The following LRRC49 variants were observed in gnomAD, a reference collection of about 807,000 sequenced individuals.
LRRC49 encodes the protein leucine-rich repeat-containing protein 49.
LRRC49 carries 50 observed loss-of-function variants against 83.3 expected under a neutral mutation model. The ratio of observed to expected loss-of-function variants is 0.60; its 90% CI spans 0.48 to 0.76. The LOEUF (loss-of-function observed/expected upper bound fraction) is 0.76. Ranked by LOEUF, LRRC49 falls within the 30% of genes least tolerant of loss-of-function variation. The pLI is 0.00. For synonymous variants in LRRC49, 286 were observed against 283.3 expected, an observed-to-expected ratio of 1.01 and a Z score of -0.10; for missense variants, 704 against 809.1, an observed-to-expected ratio of 0.87 and a Z score of 1.58.
chr15:70,984,327 A>G, intron 11 of LRRC49, 70 bp downstream of exon 11: 2 of 1,279,238 alleles, frequency 1.6e-6, no homozygotes, highest in Non-Finnish European at 2.1e-6. Context: ...ATTAGAAACC[A>G]TTTTACATAT....
intron 1 of LRRC49, among the ~76,000 whole-genome samples, chr15:70,860,880 T>TA (rs1336058233): frequency 6.6e-6 from 1 of 152,226 alleles, no homozygotes; most frequent in Non-Finnish European, 1.5e-5. Flanking sequence ...ATCATGTAAC[T>TA]AAATTCTGGC....
intron 9 of LRRC49, among the ~76,000 whole-genome samples, chr15:70,969,176 G>C (rs1195051502): frequency 6.6e-6 from 1 of 152,098 alleles, no homozygotes; most frequent in African/African-American, 2.4e-5. Context: ...GTAAGGAAGG[G>C]GTCCAGTTTC....
At position 70,873,219 on chromosome 15, in the gene LRRC49, C is replaced by T. The variant is rs1289094969; in HGVS notation, c.14C>T (p.Ala5Val). The T allele has an allele frequency of 1.7e-5, 26 of 1,536,006 alleles. No individual in the cohort carries two copies. The East Asian group carries it at 6.4e-4, about 38-fold the overall frequency. The change falls in exon 2 of 17, where the codon GCT becomes GTT. Residue 5 changes from alanine (A) to valine (V), a missense_variant. Physicochemically the swap from Ala to Val is moderately conservative, Grantham distance 64. Transcript: ENST00000544974. ...TAACTTTTAAAGATGGATTGCCAAG[C>T]TGAGGTAAGTCTACACTTTCAGTTG...
At chr15:71,047,993 C>T (rs1284243389) in intron 15 of LRRC49, among the ~76,000 whole-genome samples, 3 of 151,548 alleles carry the variant, frequency 2.0e-5, no homozygotes, top group Non-Finnish European at 4.4e-5. Flanking sequence ...CCAGGCTAGT[C>T]TCGAACTCCT....
intron 1 of LRRC49, among the ~76,000 whole-genome samples, chr15:70,854,606 G>A (rs993462770): frequency 6.6e-6 from 1 of 152,176 alleles, no homozygotes; most frequent in African/African-American, 2.4e-5. Context: ...AATTTCCATC[G>A]TTAGTCTCCT....
At chr15:70,872,305 G>A (rs1233847203) in intron 1 of LRRC49, among the ~76,000 whole-genome samples, 1 of 152,176 alleles carries the variant, frequency 6.6e-6, no homozygotes. Context: ...TGAGGCAGGA[G>A]AATCAGGCAG....
At chr15:70,927,836 T>C (rs1567056294) in intron 7 of LRRC49, among the ~76,000 whole-genome samples, 1 of 151,902 alleles carries the variant, frequency 6.6e-6, no homozygotes, top group African/African-American at 2.4e-5. Flanking sequence ...TTTGTAGAGA[T>C]GGGGTCTTGC....
rs78864578 is a variant in LRRC49, at chr15:70,961,443, G to T, written c.774-2342G>T. 6.5e-4 allele frequency among the ~76,000 whole-genome samples: 99 copies of T among 152,286 alleles called. 1 individual carries two copies. In the East Asian group the frequency reaches 0.019, roughly 29 times the overall value. Reference sequence around the variant, plus strand: ...AAAACTTATGCCCACACAAAAAGTTGCAGGTGAATATTTACAGCAGCTTTA... The same window carrying T: ...AAAACTTATGCCCACACAAAAAGTTTCAGGTGAATATTTACAGCAGCTTTA... On this transcript the variant is annotated intron_variant, in intron 8 of 15. Coordinates refer to ENST00000260382, the MANE Select transcript of LRRC49 (RefSeq NM_017691.5).
rs1211593405 is a variant in LRRC49 at position 71,008,622 on chromosome 15, T to C, written c.1407+6T>C. The C allele has an allele frequency of 2.5e-6, 4 of 1,590,860 alleles. No individual in the cohort carries two copies. The highest frequency in any genetic ancestry group is 3.4e-6 in the Non-Finnish European group (4 of 1,159,940). ...TTAAGTTTCCTAATTCTCTGGTAAA[T>C]ATTTCCTTTTAGTAGTATATTTGAA... On this transcript the variant is annotated splice_donor_region_variant and intron_variant, in intron 12 of 15. Coordinates refer to ENST00000260382, the MANE Select transcript of LRRC49 (RefSeq NM_017691.5).
chr15:70,962,151 T>C (rs1177287877), intron 8 of LRRC49, among the ~76,000 whole-genome samples: 1 of 152,190 alleles, frequency 6.6e-6, no homozygotes, highest in Non-Finnish European at 1.5e-5. Flanking sequence ...CATATTGGAA[T>C]TGAATAATTA....
intron 6 of LRRC49, among the ~76,000 whole-genome samples, chr15:70,912,462 G>A (rs555210103): frequency 8.6e-5 from 13 of 152,032 alleles, no homozygotes; most frequent in East Asian, 1.9e-4. Context: ...GTTTGTACTC[G>A]TACCACTAAT....
At chr15:70,982,623 T>G (rs966040651) in intron 10 of LRRC49, among the ~76,000 whole-genome samples, 27 of 152,228 alleles carry the variant, frequency 1.8e-4, no homozygotes, top group African/African-American at 6.5e-4. Context: ...CCAAAACATT[T>G]TTTTTAGAGA....
intron 14 of LRRC49, among the ~76,000 whole-genome samples, chr15:71,027,785 T>C (rs1359974741): frequency 6.6e-6 from 1 of 152,234 alleles, no homozygotes; most frequent in Non-Finnish European, 1.5e-5. Context: ...TTTTTGCACA[T>C]TGATTTTGTA....
At chr15:70,854,389 C>T (rs993960874) in intron 1 of LRRC49, among the ~76,000 whole-genome samples, 18 of 152,172 alleles carry the variant, frequency 1.2e-4, no homozygotes, top group African/African-American at 4.3e-4. Context: ...ATCACTCCCT[C>T]CGTCTTTTCG....
chr15:70,914,291 G>A (rs960534050), intron 6 of LRRC49, among the ~76,000 whole-genome samples: 20 of 152,190 alleles, frequency 1.3e-4, no homozygotes, highest in African/African-American at 3.9e-4. Context: ...GCATCTTATA[G>A]TAAAGAAGCT....
intron 14 of LRRC49, among the ~76,000 whole-genome samples, chr15:71,026,330 G>A (rs780240532): frequency 1.3e-5 from 2 of 152,216 alleles, no homozygotes; most frequent in South Asian, 2.1e-4. Context: ...TGGGCATTTG[G>A]GTTGGTTCCA....
At chr15:71,001,114 T>G (rs1384406861) in intron 11 of LRRC49, among the ~76,000 whole-genome samples, 1 of 152,244 alleles carries the variant, frequency 6.6e-6, no homozygotes, top group Non-Finnish European at 1.5e-5. Context: ...TTCTCCCATT[T>G]TGTCTTCCTA....
intron 7 of LRRC49, among the ~76,000 whole-genome samples, chr15:70,924,739 A>G (rs1409858149): frequency 1.3e-5 from 2 of 152,020 alleles, no homozygotes; most frequent in African/African-American, 4.8e-5. Context: ...TATCATTTAG[A>G]AAAAGTTTCC....
At chr15:70,967,983 A>G (rs2036850520) in intron 9 of LRRC49, among the ~76,000 whole-genome samples, 1 of 149,996 alleles carries the variant, frequency 6.7e-6, no homozygotes, top group Admixed American at 6.6e-5. Flanking sequence ...TGCTTTATTT[A>G]TTTATTTGTT....
Sources: gnomAD v4.1 joint callset for allele counts (sites outside exome capture counted in the v4.1 genomes callset) on GRCh38, gnomAD v4.1.1 for gene constraint, MANE v1.5 for transcripts, NCBI Gene and HGNC (gene_info 2026-07-23, HGNC 2026-07-21) for gene names.